RGL1: variants seen among roughly 807,000 people sequenced by gnomAD.
The protein encoded by RGL1 is ral guanine nucleotide dissociation stimulator like 1.
A neutral mutation model predicts 95.2 loss-of-function variants in RGL1; 24 were observed. The ratio of observed to expected loss-of-function variants is 0.25; its 90% CI spans 0.18 to 0.35. The LOEUF is 0.35. Among genes scored for constraint, RGL1 ranks in the 10% least tolerant of loss-of-function variants. The pLI, the probability that RGL1 is intolerant of heterozygous loss-of-function variation, is 1.00. For synonymous variants in RGL1, 329 were observed against 344.9 expected (o/e 0.95, Z 0.51); for missense variants, 715 against 936.3 (o/e 0.76, Z 3.08).
At chr1:183,904,794 G>T in intron 12 of RGL1, 56 bp from the exon 13 acceptor site, 4 of 1,527,576 alleles carry the variant, frequency 2.6e-6, no homozygotes, top group Non-Finnish European at 8.8e-7. Context: ...TCTATATTTG[G>T]TTGGCCTTAT....
chr1:183,837,922 C>T (rs746436138), intron 2 of RGL1, among the ~76,000 whole-genome samples: 4 of 152,158 alleles, frequency 2.6e-5, no homozygotes, highest in African/African-American at 9.7e-5. Context: ...AATCTAATGT[C>T]GCCGCTGATC....
At chr1:183,882,836 A>G (rs1341773724) in intron 5 of RGL1, among the ~76,000 whole-genome samples, 1 of 152,250 alleles carries the variant, frequency 6.6e-6, no homozygotes, top group Non-Finnish European at 1.5e-5. Flanking sequence ...TCTACAAAGA[A>G]AGAAAGAAAA....
At chr1:183,712,552 A>G (rs928849699) in intron 1 of RGL1, among the ~76,000 whole-genome samples, 16 of 152,178 alleles carry the variant, frequency 1.1e-4, no homozygotes, top group Admixed American at 9.8e-4. Context: ...AACAATTTCT[A>G]TTCACTCACT....
intron 2 of RGL1, among the ~76,000 whole-genome samples, chr1:183,807,201 G>T (rs957112344): frequency 1.3e-5 from 2 of 152,160 alleles, no homozygotes; most frequent in African/African-American, 4.8e-5. Context: ...CTCAGCGACA[G>T]GATCACTACT....
chr1:183,712,176 G>T (rs979125699), intron 1 of RGL1, among the ~76,000 whole-genome samples: 2 of 152,242 alleles, frequency 1.3e-5, no homozygotes, highest in African/African-American at 4.8e-5. Context: ...ACTGGCCTGG[G>T]AGGGCCCTTG....
intron 3 of RGL1, among the ~76,000 whole-genome samples, chr1:183,864,291 G>A (rs1665693694): frequency 1.3e-5 from 2 of 152,276 alleles, no homozygotes; most frequent in East Asian, 1.9e-4. Flanking sequence ...ACTGGAGTGG[G>A]AATTAATGGA....
chr1:183,797,386 T>C (rs186612416), intron 2 of RGL1, among the ~76,000 whole-genome samples: 6 of 152,224 alleles, frequency 3.9e-5, no homozygotes, highest in Admixed American at 3.9e-4. Flanking sequence ...TTTGCCATCA[T>C]GGCCGGAGGA....
At chr1:183,746,988 CT>C (rs896176021) in intron 2 of RGL1, among the ~76,000 whole-genome samples, 5 of 151,984 alleles carry the variant, frequency 3.3e-5, no homozygotes, top group East Asian at 3.8e-4. Context: ...ATGAACTCAT[CT>C]TTTTTTTATG....
intron 1 of RGL1, among the ~76,000 whole-genome samples, chr1:183,740,222 G>A (rs1657205047): frequency 6.6e-6 from 1 of 152,016 alleles, no homozygotes; most frequent in Non-Finnish European, 1.5e-5. Flanking sequence ...GCGTGTATGT[G>A]TCAGCATCAT....
intron 14 of RGL1, among the ~76,000 whole-genome samples, chr1:183,908,261 G>A (rs1050545373): frequency 2.0e-5 from 3 of 152,076 alleles, no homozygotes; most frequent in Non-Finnish European, 4.4e-5. Context: ...ACACAGGCAG[G>A]GATGGCACAT....
At chr1:183,768,628 C>T (rs1659115037) in intron 2 of RGL1, among the ~76,000 whole-genome samples, 2 of 151,786 alleles carry the variant, frequency 1.3e-5, no homozygotes, top group South Asian at 2.1e-4. Flanking sequence ...GCCACCACAC[C>T]TGGCTAATTA....
At position 183,805,292 on chromosome 1, in the gene RGL1, CTGAGAATGAAATTGCTT is replaced by C; in HGVS notation, c.-3_14del. The C allele has an allele frequency of 6.2e-7, 1 of 1,611,888 alleles. No homozygotes were observed. Among genetic ancestry groups the C allele is most frequent in the Non-Finnish European group, 8.5e-7 (1 of 1,179,562 alleles). Reference sequence around the variant, plus strand: ...CAGCGTTCGCGCACCGGAGAGAAAACTGAGAATGAAATTGCTTTGGCAAGCTAAAATGGTAACGAGAG... The same window carrying C: ...CAGCGTTCGCGCACCGGAGAGAAAACTGGCAAGCTAAAATGGTAACGAGAG... On this transcript the variant is annotated start_lost and 5_prime_UTR_variant, in exon 1 of 18. Coordinates refer to ENST00000360851, the MANE Select transcript of RGL1 (RefSeq NM_001297671.3).
At chr1:183,875,549 G>A (rs1666443206) in intron 4 of RGL1, among the ~76,000 whole-genome samples, 1 of 152,068 alleles carries the variant, frequency 6.6e-6, no homozygotes, top group African/African-American at 2.4e-5. Flanking sequence ...CTTCTAAGCA[G>A]GTGTTATTAG....
intron 2 of RGL1, among the ~76,000 whole-genome samples, chr1:183,759,541 TAA>T (rs2102303150): frequency 6.6e-6 from 1 of 152,330 alleles, no homozygotes; most frequent in African/African-American, 2.4e-5. Context: ...CTCCCAGTTG[TAA>T]AGTTTTTAAA....
intron 1 of RGL1, among the ~76,000 whole-genome samples, chr1:183,698,365 C>T (rs1324975123): frequency 6.6e-6 from 1 of 152,210 alleles, no homozygotes; most frequent in East Asian, 1.9e-4. Flanking sequence ...TCCTTGGTCA[C>T]CTTTGTAAAG....
intron 2 of RGL1, among the ~76,000 whole-genome samples, chr1:183,793,520 A>G (rs1290726762): frequency 6.6e-6 from 1 of 152,228 alleles, no homozygotes; most frequent in Non-Finnish European, 1.5e-5. Context: ...CAAACTATTC[A>G]ACTGACAAGG....
At position 183,880,815 on chromosome 1, in the gene RGL1, G is replaced by A; in HGVS notation, c.610+15G>A. On this transcript the variant is annotated intron_variant, in intron 5 of 17. Coordinates refer to ENST00000360851, the MANE Select transcript of RGL1 (RefSeq NM_001297671.3). Reference sequence around the variant, plus strand: ...GGAAACTGACAGTGAGTACTTGTTTGTTCCCAGGGAAAAGGCTAGATTCTG... The same window carrying A: ...GGAAACTGACAGTGAGTACTTGTTTATTCCCAGGGAAAAGGCTAGATTCTG... The A allele has an allele frequency of 6.2e-7, 1 of 1,610,960 alleles. No homozygotes were observed. The highest frequency in any genetic ancestry group is 8.5e-7 in the Non-Finnish European group (1 of 1,178,072).
At chr1:183,890,443 A>G (rs895580373) in intron 8 of RGL1, among the ~76,000 whole-genome samples, 4 of 152,166 alleles carry the variant, frequency 2.6e-5, no homozygotes, top group African/African-American at 7.2e-5. Flanking sequence ...TGTGTAACAT[A>G]TGTTTCTGGT....
At chr1:183,741,082 G>A (rs1478273486) in intron 1 of RGL1, among the ~76,000 whole-genome samples, 2 of 152,110 alleles carry the variant, frequency 1.3e-5, no homozygotes, top group African/African-American at 2.4e-5. Context: ...ATGTATCTGG[G>A]GTCCATAGAT....
Sources: gnomAD v4.1 joint callset for allele counts (sites outside exome capture counted in the v4.1 genomes callset) on GRCh38, gnomAD v4.1.1 for gene constraint, MANE v1.5 for transcripts, NCBI Gene and HGNC (gene_info 2026-07-23, HGNC 2026-07-21) for gene names.